The following TECRL variants were observed in gnomAD, a reference collection of about 807,000 sequenced individuals.
The protein encoded by TECRL is trans-2,3-enoyl-CoA reductase-like.
In TECRL, 63 loss-of-function variants were observed where a neutral mutation model predicts 52.8. That is an observed-to-expected ratio of 1.19 (90% confidence interval 0.97 to 1.47). The LOEUF (loss-of-function observed/expected upper bound fraction) is 1.47. TECRL is among the 40% of genes most tolerant of loss of function. TECRL has a pLI of 0.00. For missense variants in TECRL, 482 were observed against 429.6 expected (o/e 1.12, Z -1.08); for synonymous variants, 164 against 141.9 (o/e 1.16, Z -1.10).
chr4:64,375,822 A>AATAT (rs1431125157), intron 1 of TECRL, among the ~76,000 whole-genome samples: 1 of 151,910 alleles, frequency 6.6e-6, no homozygotes, highest in Admixed American at 6.6e-5. Context: ...CAAACTCTAT[A>AATAT]AATTAAAAAA....
chr4:64,338,006 G>A (rs1048764489), intron 2 of TECRL, among the ~76,000 whole-genome samples: 1 of 152,120 alleles, frequency 6.6e-6, no homozygotes, highest in Non-Finnish European at 1.5e-5. Context: ...AAAGCTGGAG[G>A]CATCATGCTA....
At chr4:64,355,840 T>A (rs971937320) in intron 2 of TECRL, among the ~76,000 whole-genome samples, 30 of 151,470 alleles carry the variant, frequency 2.0e-4, no homozygotes, top group African/African-American at 6.5e-4. Context: ...AAAAATATTT[T>A]AAAAATATAT....
At chr4:64,325,291 G>A (rs750638209) in intron 3 of TECRL, among the ~76,000 whole-genome samples, 1 of 152,186 alleles carries the variant, frequency 6.6e-6, no homozygotes, top group African/African-American at 2.4e-5. Flanking sequence ...CACCCTTTCT[G>A]CAGAAAGTAA....
chr4:64,375,154 A>T lies in TECRL; in HGVS notation c.286+18T>A. 8.1e-7 allele frequency: 1 copy of T among 1,227,602 alleles called. No individual in the cohort carries two copies. The highest frequency in any genetic ancestry group is 1.6e-5 in the African/African-American group (1 of 61,828). 76.0% of individuals were successfully genotyped at this position (1,227,602 alleles called of 1,614,324 possible). The stretch of plus-strand genomic sequence containing the variant: ...TAAAACATTATGATGTAAATTCTAA[A>T]TAATATATAAAACTTACATGCTTTG... On this transcript the variant is annotated intron_variant, in intron 2 of 11. Transcript: ENST00000381210.
chr4:64,371,803 C>G (rs1445249837), intron 2 of TECRL, among the ~76,000 whole-genome samples: 1 of 151,634 alleles, frequency 6.6e-6, no homozygotes, highest in Non-Finnish European at 1.5e-5. Flanking sequence ...TTATGAGTAG[C>G]TAATAACCAC....
At chr4:64,317,219 A>T (rs1717562742) in intron 4 of TECRL, among the ~76,000 whole-genome samples, 1 of 152,140 alleles carries the variant, frequency 6.6e-6, no homozygotes, top group Non-Finnish European at 1.5e-5. Context: ...CGGAGCTTGC[A>T]GTGAGCCAAG....
intron 9 of TECRL, among the ~76,000 whole-genome samples, chr4:64,288,593 T>C (rs936645412): frequency 7.2e-5 from 11 of 152,094 alleles, no homozygotes; most frequent in Non-Finnish European, 1.2e-4. Context: ...AAAAAGTGGA[T>C]TTTATATAAC....
At chr4:64,386,404 G>A (rs1723179902) in intron 1 of TECRL, among the ~76,000 whole-genome samples, 2 of 152,034 alleles carry the variant, frequency 1.3e-5, no homozygotes, top group South Asian at 4.2e-4. Context: ...AGGAAGATGA[G>A]GGTTTGGTTG....
intron 9 of TECRL, among the ~76,000 whole-genome samples, chr4:64,282,289 A>T (rs1722867784): frequency 1.3e-5 from 2 of 151,996 alleles, no homozygotes; most frequent in Admixed American, 6.6e-5. Flanking sequence ...TTGTAAAAGT[A>T]AATATGAATT....
chr4:64,336,146 CT>C (rs1358986278), intron 2 of TECRL, among the ~76,000 whole-genome samples: 2 of 152,142 alleles, frequency 1.3e-5, no homozygotes, highest in East Asian at 1.9e-4. Context: ...TGGTCCTGGA[CT>C]TTTTTTGGTT....
intron 2 of TECRL, among the ~76,000 whole-genome samples, chr4:64,367,649 T>A (rs1178512599): frequency 1.2e-5 from 1 of 86,136 alleles, no homozygotes; most frequent in African/African-American, 3.6e-5. Flanking sequence ...AATAAGAAAT[T>A]TTTTGTTACC....
At position 64,309,851 on chromosome 4, in the gene TECRL, T is replaced by G. The variant is rs745366710; in HGVS notation, c.632A>C (p.His211Pro). 2.0e-5 allele frequency: 32 copies of G among 1,610,564 alleles called. No individual in the cohort carries two copies. The highest frequency in any genetic ancestry group is 5.0e-5 in the Admixed American group (3 of 59,926). The change falls in exon 6 of 12, where the codon CAC becomes CCC. Residue 211 changes from histidine to proline, a missense_variant. His to Pro is a moderately conservative substitution (Grantham distance 77). Transcript: ENST00000381210. ...TLFVHKVSAG[H>P]TPLKNLIMSC... ...CATTATCAAATTTTTCAAAGGTGTGTGTCCTGCAGAAACTTTGTGAACAAA... is the reference window on the plus strand; with the variant it reads ...CATTATCAAATTTTTCAAAGGTGTGGGTCCTGCAGAAACTTTGTGAACAAA...
chr4:64,317,135 G>C (rs764247047), intron 4 of TECRL, among the ~76,000 whole-genome samples: 1 of 151,966 alleles, frequency 6.6e-6, no homozygotes, highest in Non-Finnish European at 1.5e-5. Flanking sequence ...AAAATTAGCC[G>C]GGCGTGGTGG....
At chr4:64,320,870 A>G (rs1221244181) in intron 4 of TECRL, among the ~76,000 whole-genome samples, 1 of 152,118 alleles carries the variant, frequency 6.6e-6, no homozygotes. Flanking sequence ...GTTGTTTTCT[A>G]AACATTAAAA....
At chr4:64,280,767 G>A (rs928310735) in intron 11 of TECRL, among the ~76,000 whole-genome samples, 11 of 152,090 alleles carry the variant, frequency 7.2e-5, no homozygotes, top group South Asian at 4.1e-4. Context: ...AGCGAAATGC[G>A]TTGTTATCAA....
chr4:64,357,826 T>G (rs2109600499), intron 2 of TECRL, among the ~76,000 whole-genome samples: 1 of 151,778 alleles, frequency 6.6e-6, no homozygotes, highest in Non-Finnish European at 1.5e-5. Flanking sequence ...TTCATTTTTT[T>G]CAGAAGAAAT....
chr4:64,327,491 A>G (rs1238761659), intron 3 of TECRL, among the ~76,000 whole-genome samples: 2 of 152,076 alleles, frequency 1.3e-5, no homozygotes, highest in African/African-American at 4.8e-5. Context: ...AAAGGCACTT[A>G]TGTGCTGACA....
At chr4:64,391,743 T>G (rs1021157893) in intron 1 of TECRL, among the ~76,000 whole-genome samples, 1 of 151,902 alleles carries the variant, frequency 6.6e-6, no homozygotes, top group Non-Finnish European at 1.5e-5. Flanking sequence ...TTGAATGCTC[T>G]TATGTGAACA....
At chr4:64,370,431 T>C (rs1721896548) in intron 2 of TECRL, among the ~76,000 whole-genome samples, 1 of 151,904 alleles carries the variant, frequency 6.6e-6, no homozygotes, top group Non-Finnish European at 1.5e-5. Context: ...CAGAGACATT[T>C]AGATTTGAGA....
Sources: gnomAD v4.1 joint callset for allele counts (sites outside exome capture counted in the v4.1 genomes callset) on GRCh38, gnomAD v4.1.1 for gene constraint, MANE v1.5 for transcripts, NCBI Gene and HGNC (gene_info 2026-07-23, HGNC 2026-07-21) for gene names.